TMEM117: variants seen among roughly 807,000 people sequenced by gnomAD.
TMEM117 encodes the protein transmembrane protein 117.
In TMEM117, 27 loss-of-function variants were observed where a neutral mutation model predicts 52.4. That is an observed-to-expected ratio of 0.51 (90% CI 0.38 to 0.71). The LOEUF (loss-of-function observed/expected upper bound fraction) is 0.71, where lower values mean the gene tolerates loss of function less well. Among genes scored for constraint, TMEM117 ranks in the 30% least tolerant of loss-of-function variants. The probability of loss-of-function intolerance (pLI) is 0.00; values close to 1 mark genes in which losing one functional copy is unlikely to be tolerated. For synonymous variants in TMEM117, 215 were observed against 206.3 expected (o/e 1.04, Z -0.36); for missense variants, 556 against 630.5 (o/e 0.88, Z 1.26).
At chr12:43,972,681 T>G (rs1007421171) in intron 3 of TMEM117, among the ~76,000 whole-genome samples, 13 of 152,004 alleles carry the variant, frequency 8.6e-5, no homozygotes, top group Non-Finnish European at 1.6e-4. Flanking sequence ...GATTGGTGCG[T>G]TTTTACAGAG....
chr12:44,296,474 G>C (rs1950771397), intron 5 of TMEM117, among the ~76,000 whole-genome samples: 1 of 152,174 alleles, frequency 6.6e-6, no homozygotes, highest in Non-Finnish European at 1.5e-5. Context: ...CTGGAGCTGG[G>C]TCACAGGTCT....
downstream of TMEM117, among the ~76,000 whole-genome samples, chr12:44,393,303 C>T (rs1325884375): frequency 6.6e-6 from 1 of 152,076 alleles, no homozygotes. Context: ...AATTGAGAAT[C>T]ACAGTAACAA....
At chr12:43,987,266 AT>A (rs1342916318) in intron 3 of TMEM117, among the ~76,000 whole-genome samples, 4 of 152,192 alleles carry the variant, frequency 2.6e-5, no homozygotes, top group African/African-American at 9.7e-5. Context: ...CAACACCTTG[AT>A]CTCAGACTTC....
chr12:44,281,219 G>T (rs368495773), intron 5 of TMEM117, among the ~76,000 whole-genome samples: 2 of 151,852 alleles, frequency 1.3e-5, no homozygotes, highest in Non-Finnish European at 2.9e-5. Flanking sequence ...AAATATTTAC[G>T]TATAATTTCA....
rs183378053 is a variant in TMEM117, at chr12:44,211,959, C to A, written c.608+572C>A. Among the ~76,000 whole-genome samples the A allele has an allele frequency of 2.0e-3, 305 of 152,292 alleles. 1 individual carries two copies. Among genetic ancestry groups the A allele is most frequent in the Middle Eastern group, 6.8e-3 (2 of 294 alleles). The stretch of plus-strand genomic sequence containing the variant: ...AGAAAAGATAGGAATGGAGAGGCAG[C>A]AAGAAGGGCACTTTCACGTGGCTGT... On this transcript the variant is annotated intron_variant, in intron 5 of 7. Transcript: ENST00000266534.
At chr12:43,818,514 C>T in the TMEM117 span, among the ~76,000 whole-genome samples, 1 of 151,528 alleles carries the variant, frequency 6.6e-6, no homozygotes. Flanking sequence ...AATCTTGGCT[C>T]ACTGCAATCT....
chr12:43,804,477 T>A, the TMEM117 span: 1 of 1,501,742 alleles, frequency 6.7e-7, no homozygotes, highest in Non-Finnish European at 9.2e-7. Context: ...AGAAAATATT[T>A]TAAAATATTT....
At chr12:44,119,480 G>A (rs894326736) in intron 3 of TMEM117, among the ~76,000 whole-genome samples, 4 of 152,154 alleles carry the variant, frequency 2.6e-5, no homozygotes, top group African/African-American at 9.7e-5. Context: ...TTGTTTTCAT[G>A]AGCCCCAGCT....
the TMEM117 span, among the ~76,000 whole-genome samples, chr12:43,798,772 G>A: frequency 1.3e-5 from 2 of 152,000 alleles, no homozygotes; most frequent in African/African-American, 2.4e-5. Flanking sequence ...AATGAACAGT[G>A]GTTTCAGCTA....
At chr12:44,295,677 G>A (rs1224207783) in intron 5 of TMEM117, among the ~76,000 whole-genome samples, 2 of 140,356 alleles carry the variant, frequency 1.4e-5, no homozygotes, top group Non-Finnish European at 3.1e-5. Context: ...CAGGATTTCT[G>A]TTTTTTTTTT....
At chr12:44,053,989 G>C (rs1259234200) in intron 3 of TMEM117, among the ~76,000 whole-genome samples, 2 of 152,182 alleles carry the variant, frequency 1.3e-5, no homozygotes, top group Non-Finnish European at 2.9e-5. Flanking sequence ...GTTCTTGGAA[G>C]TTTTTTGCAC....
intron 3 of TMEM117, among the ~76,000 whole-genome samples, chr12:44,097,033 C>A (rs1224130670): frequency 5.3e-5 from 8 of 152,128 alleles, no homozygotes; most frequent in African/African-American, 1.9e-4. Flanking sequence ...AAACAAACAA[C>A]CTCATCAAAA....
chr12:44,350,046 C>A (rs889610053), intron 6 of TMEM117, among the ~76,000 whole-genome samples: 2 of 152,020 alleles, frequency 1.3e-5, no homozygotes, highest in African/African-American at 4.8e-5. Context: ...TCAATGGATT[C>A]TGTTCTTATC....
intron 3 of TMEM117, among the ~76,000 whole-genome samples, chr12:44,038,077 T>A (rs1242987945): frequency 6.6e-6 from 1 of 152,138 alleles, no homozygotes; most frequent in African/African-American, 2.4e-5. Context: ...ACCTTCCACT[T>A]GTCTGCATAC....
intron 3 of TMEM117, among the ~76,000 whole-genome samples, chr12:43,960,326 G>A (rs1308703582): frequency 2.0e-5 from 3 of 151,164 alleles, no homozygotes; most frequent in African/African-American, 7.3e-5. Flanking sequence ...GAGAAGGAGA[G>A]GGAAGGGGGT....
chr12:43,981,783 G>A (rs777689279), intron 3 of TMEM117, among the ~76,000 whole-genome samples: 1 of 152,006 alleles, frequency 6.6e-6, no homozygotes, highest in Non-Finnish European at 1.5e-5. Context: ...ACTCATATAT[G>A]GAATTGCAAA....
intron 2 of TMEM117, among the ~76,000 whole-genome samples, chr12:43,863,745 C>T (rs1325608267): frequency 1.3e-5 from 2 of 152,196 alleles, no homozygotes; most frequent in Admixed American, 6.5e-5. Flanking sequence ...TGGCAGCCCT[C>T]GCAGCCCTCA....
At chr12:44,310,344 A>G (rs764786670) in intron 6 of TMEM117, among the ~76,000 whole-genome samples, 21 of 152,226 alleles carry the variant, frequency 1.4e-4, no homozygotes, top group Non-Finnish European at 2.1e-4. Flanking sequence ...ATCTGATGAT[A>G]AGAATCACTG....
chr12:44,387,689 A>G (rs1055517307), intron 7 of TMEM117, among the ~76,000 whole-genome samples: 2 of 152,128 alleles, frequency 1.3e-5, no homozygotes, highest in African/African-American at 4.8e-5. Context: ...GTTTTTTCAC[A>G]TTAATTGAAA....
Sources: allele counts gnomAD v4.1 joint callset (sites outside exome capture counted in the v4.1 genomes callset), GRCh38; gene constraint gnomAD v4.1.1; transcripts MANE v1.5; gene names NCBI Gene and HGNC (gene_info 2026-07-23, HGNC 2026-07-21).